The following CYSLTR1 variants were observed in gnomAD, a reference collection of about 807,000 sequenced individuals.
The protein encoded by CYSLTR1 is cysteinyl leukotriene receptor 1, also known as G-protein coupled receptor HG55.
Under a neutral mutation model 2.1 loss-of-function variants are expected in CYSLTR1, and 1 was observed. The observed-to-expected ratio is 0.48, with a 90% CI of 0.17 to 2.28. The LOEUF is 2.28. CYSLTR1 is among the 30% of genes most tolerant of loss of function. The probability of loss-of-function intolerance (pLI) is 0.26; values close to 1 mark genes in which losing one functional copy is unlikely to be tolerated. For missense variants in CYSLTR1, 299 were observed against 250.1 expected (o/e 1.20, Z -1.32); for synonymous variants, 110 against 89.6 (o/e 1.23, Z -1.28).
At chrX:78,280,488 A>G (rs1301411408) in intron 2 of CYSLTR1, among the ~76,000 whole-genome samples, 1 of 102,971 alleles carries the variant, frequency 9.7e-6, no homozygotes, top group Non-Finnish European at 2.0e-5. Flanking sequence ...TAATCAACAC[A>G]TCCATTACCT....
intron 1 of CYSLTR1, among the ~76,000 whole-genome samples, chrX:78,310,642 T>A (rs990981435): frequency 4.5e-5 from 5 of 111,858 alleles, no homozygotes; most frequent in South Asian, 7.4e-4. Context: ...GTGATAGAAG[T>A]TGATAAAGGA....
chrX:78,319,800 C>A (rs750203649), intron 1 of CYSLTR1: 2 of 111,962 alleles, frequency 1.8e-5, no homozygotes, highest in African/African-American at 6.5e-5. Context: ...TTAATGATTG[C>A]CATTCTAAGT....
chrX:78,296,433 G>A (rs1378238618), intron 1 of CYSLTR1, among the ~76,000 whole-genome samples: 4 of 111,863 alleles, frequency 3.6e-5, no homozygotes, highest in Non-Finnish European at 7.5e-5. Context: ...TTTCTGTGAA[G>A]AATGTCATTG....
At chrX:78,292,702 G>A (rs764099940) in intron 1 of CYSLTR1, among the ~76,000 whole-genome samples, 1 of 111,259 alleles carries the variant, frequency 9.0e-6, no homozygotes, top group East Asian at 2.8e-4. Context: ...TTGTTGAATT[G>A]ATCCCTTTAC....
At chrX:78,297,643 T>C (rs1922630917) in intron 1 of CYSLTR1, among the ~76,000 whole-genome samples, 1 of 111,656 alleles carries the variant, frequency 9.0e-6, no homozygotes. Flanking sequence ...TGTCCATTAC[T>C]TTTGGATTTT....
chrX:78,317,861 C>T (rs926326106), intron 1 of CYSLTR1, among the ~76,000 whole-genome samples: 1 of 111,745 alleles, frequency 8.9e-6, no homozygotes, highest in African/African-American at 3.3e-5. Context: ...TAAAAGACTA[C>T]ACATTGCGTA....
At chrX:78,284,308 C>T (rs184006420) in intron 1 of CYSLTR1, among the ~76,000 whole-genome samples, 60 of 111,975 alleles carry the variant, frequency 5.4e-4, no homozygotes, top group African/African-American at 1.9e-3. Flanking sequence ...TGCAAGGCCT[C>T]CAGAGGCTAG....
At chrX:78,286,042 G>A (rs942088943) in intron 1 of CYSLTR1, among the ~76,000 whole-genome samples, 1 of 111,961 alleles carries the variant, frequency 8.9e-6, no homozygotes, top group Non-Finnish European at 1.9e-5. Context: ...TATTTAAGAA[G>A]CCCCTATTCT....
intron 1 of CYSLTR1, among the ~76,000 whole-genome samples, chrX:78,325,592 G>A (rs1923836380): frequency 8.9e-6 from 1 of 111,902 alleles, no homozygotes; most frequent in South Asian, 3.7e-4. Context: ...TGAACTCCCA[G>A]TTATCCCAGT....
At chrX:78,297,216 C>A (rs1328190040) in intron 1 of CYSLTR1, among the ~76,000 whole-genome samples, 3 of 111,692 alleles carry the variant, frequency 2.7e-5, no homozygotes, top group Non-Finnish European at 5.7e-5. Flanking sequence ...ACATGTTGAA[C>A]CATGAATTCC....
intron 1 of CYSLTR1, among the ~76,000 whole-genome samples, chrX:78,305,182 C>T (rs938304868): frequency 4.5e-5 from 5 of 111,917 alleles, no homozygotes; most frequent in African/African-American, 1.6e-4. Flanking sequence ...GGTTCTTGGG[C>T]CCTTAATAAC....
chrX:78,298,457 G>T (rs540763841), intron 1 of CYSLTR1, among the ~76,000 whole-genome samples: 1 of 111,246 alleles, frequency 9.0e-6, no homozygotes, highest in South Asian at 3.7e-4. Context: ...TCTGTCCAAT[G>T]CTGAAAGTGG....
At chrX:78,291,813 C>A (rs1463249635) in intron 1 of CYSLTR1, among the ~76,000 whole-genome samples, 2 of 109,801 alleles carry the variant, frequency 1.8e-5, no homozygotes, top group Non-Finnish European at 3.8e-5. Context: ...GTGATATCCC[C>A]TTTATTGTTT....
intron 1 of CYSLTR1, among the ~76,000 whole-genome samples, chrX:78,310,712 G>T (rs745620552): frequency 8.9e-6 from 1 of 111,985 alleles, no homozygotes; most frequent in Non-Finnish European, 1.9e-5. Flanking sequence ...TTATGAAAGA[G>T]AGAAGGGTGG....
At chrX:78,274,278 C>A (rs1388117152) in intron 2 of CYSLTR1, among the ~76,000 whole-genome samples, 1 of 111,430 alleles carries the variant, frequency 9.0e-6, no homozygotes, top group East Asian at 2.8e-4. Context: ...GCCAAAAGAA[C>A]AAAGCTGGAG....
chrX:78,300,259 T>C (rs1922758364), intron 1 of CYSLTR1, among the ~76,000 whole-genome samples: 1 of 112,898 alleles, frequency 8.9e-6, no homozygotes, highest in African/African-American at 3.2e-5. Flanking sequence ...TCTGTGTGAA[T>C]GGTCACGTAT....
intron 1 of CYSLTR1, among the ~76,000 whole-genome samples, chrX:78,312,716 C>T (rs1241650085): frequency 8.9e-6 from 1 of 112,144 alleles, no homozygotes; most frequent in African/African-American, 3.2e-5. Context: ...ATAAAAAATA[C>T]TCAACATCAC....
chrX:78,307,987 G>A (rs975628728), intron 1 of CYSLTR1, among the ~76,000 whole-genome samples: 4 of 110,587 alleles, frequency 3.6e-5, no homozygotes, highest in African/African-American at 3.3e-5. Context: ...GCAAAATCTG[G>A]GGATGCAGTT....
intron 1 of CYSLTR1, chrX:78,320,069 C>G: frequency 8.9e-6 from 1 of 111,966 alleles, no homozygotes; most frequent in East Asian, 2.8e-4. Flanking sequence ...TGCCTATTCA[C>G]TCTGATGGTA....
Sources: gnomAD v4.1 joint callset for allele counts (sites outside exome capture counted in the v4.1 genomes callset) on GRCh38, gnomAD v4.1.1 for gene constraint, MANE v1.5 for transcripts, NCBI Gene and HGNC (gene_info 2026-07-23, HGNC 2026-07-21) for gene names.